HERC4: variants seen among roughly 807,000 people sequenced by gnomAD.
HERC4 encodes the protein probable E3 ubiquitin-protein ligase HERC4.
HERC4 carries 28 observed loss-of-function variants against 124.3 expected under a neutral mutation model. That is an observed-to-expected ratio of 0.23 (90% CI 0.17 to 0.31). The LOEUF (loss-of-function observed/expected upper bound fraction) is 0.31, where lower values mean the gene tolerates loss of function less well. Ranked by LOEUF, HERC4 falls within the 10% of genes least tolerant of loss-of-function variation. The pLI is 1.00. For synonymous variants in HERC4, 407 were observed against 421.5 expected (o/e 0.97, Z 0.42); for missense variants, 713 against 1,229.3 (o/e 0.58, Z 6.28).
chr10:67,934,705 A>C (rs1194713508), intron 22 of HERC4, among the ~76,000 whole-genome samples: 2 of 152,194 alleles, frequency 1.3e-5, no homozygotes, highest in African/African-American at 4.8e-5. Flanking sequence ...ATTTTCTCCC[A>C]AAATTTTGGT....
intron 9 of HERC4, among the ~76,000 whole-genome samples, chr10:68,012,433 C>T (rs2038015193): frequency 6.6e-6 from 1 of 152,136 alleles, no homozygotes; most frequent in South Asian, 2.1e-4. Context: ...CACTTATGTA[C>T]TTAGAGGCCA....
intron 8 of HERC4, among the ~76,000 whole-genome samples, chr10:68,024,177 C>A (rs1290354040): frequency 6.6e-6 from 1 of 152,014 alleles, no homozygotes; most frequent in African/African-American, 2.4e-5. Flanking sequence ...GGCCAATAAA[C>A]ATATGAAAAG....
intron 3 of HERC4, among the ~76,000 whole-genome samples, chr10:68,050,450 T>C (rs879551023): frequency 7.2e-5 from 11 of 152,228 alleles, no homozygotes; most frequent in Non-Finnish European, 1.6e-4. Context: ...TTAAAACTAA[T>C]CTGAGCTCTT....
chr10:68,049,590 C>CA (rs766514516), intron 3 of HERC4, among the ~76,000 whole-genome samples: 593 of 42,560 alleles, frequency 0.014, 45 homozygotes, highest in East Asian at 0.023. Context: ...GACACTGCCA[C>CA]AAAAAAAAAA....
chr10:67,947,483 G>A (rs1160048158), intron 19 of HERC4, among the ~76,000 whole-genome samples: 3 of 151,970 alleles, frequency 2.0e-5, no homozygotes, highest in Admixed American at 2.0e-4. Context: ...ATCAAAGCGA[G>A]GTATAGACAG....
intron 19 of HERC4, among the ~76,000 whole-genome samples, chr10:67,950,916 C>T (rs1488430033): frequency 6.6e-6 from 1 of 152,116 alleles, no homozygotes. Context: ...AAAGAAGACA[C>T]GGCTCTTAAG....
chr10:68,044,139 T>C (rs16925049), intron 4 of HERC4, among the ~76,000 whole-genome samples: 3 of 152,110 alleles, frequency 2.0e-5, no homozygotes, highest in Non-Finnish European at 2.9e-5. Context: ...CTAAAAAAAT[T>C]TGTAATGAAG....
chr10:67,997,850 T>C (rs890635116), intron 9 of HERC4, among the ~76,000 whole-genome samples: 4 of 152,182 alleles, frequency 2.6e-5, no homozygotes, highest in South Asian at 2.1e-4. Context: ...TCTGTATCCA[T>C]AGGTTCCATA....
intron 9 of HERC4, among the ~76,000 whole-genome samples, chr10:68,005,684 T>TA (rs1399816941): frequency 6.6e-6 from 1 of 151,838 alleles, no homozygotes; most frequent in Admixed American, 6.6e-5. Flanking sequence ...TTTTTTTTTT[T>TA]AATTTTCTGT....
rs947762095 is a variant in HERC4 at position 68,040,349 on chromosome 10, A to G, written c.387-2180T>C. ...AAACTATCCCCTTTCATCTTCATATAAATGTATTAATACCCTAAAGAATGG... is the reference window on the plus strand; with the variant it reads ...AAACTATCCCCTTTCATCTTCATATGAATGTATTAATACCCTAAAGAATGG... On this transcript the variant is annotated intron_variant, in intron 4 of 24. Transcript: ENST00000373700. 4.3e-5 allele frequency: 41 copies of G among 948,758 alleles called. No individual in the cohort carries two copies. The African/African-American group carries it at 6.7e-4, about 16-fold the overall frequency. The allele number at this position is 948,758 out of a possible 1,614,324, so 58.8% of individuals were successfully genotyped here.
chr10:67,963,697 T>C (rs2034671658), intron 16 of HERC4, among the ~76,000 whole-genome samples: 2 of 152,170 alleles, frequency 1.3e-5, no homozygotes, highest in Non-Finnish European at 2.9e-5. Context: ...CTGAATCCTT[T>C]CAAAAACACT....
intron 15 of HERC4, among the ~76,000 whole-genome samples, chr10:67,979,329 T>G (rs1288809914): frequency 6.6e-6 from 1 of 152,018 alleles, no homozygotes; most frequent in East Asian, 1.9e-4. Flanking sequence ...TGAAAAAATG[T>G]AATTGACATA....
intron 3 of HERC4, among the ~76,000 whole-genome samples, chr10:68,051,137 C>T (rs1404759745): frequency 3.5e-5 from 5 of 144,864 alleles, no homozygotes; most frequent in African/African-American, 1.3e-4. Context: ...ACTTGCCACA[C>T]AAGTCCATTA....
intron 24 of HERC4, 117 bp downstream of exon 24, chr10:67,924,967 GA>G (rs2030719851): frequency 1.7e-6 from 1 of 577,072 alleles, no homozygotes; most frequent in South Asian, 2.6e-5. Context: ...TACATGTACT[GA>G]AGAGTGCAGA....
chr10:67,966,428 G>GT (rs1022116733), intron 16 of HERC4: 85 of 317,636 alleles, frequency 2.7e-4, no homozygotes, highest in South Asian at 3.9e-4. Flanking sequence ...ACACTTGTAG[G>GT]TTTTTTTTGT....
At chr10:67,994,032 CCATA>C (rs1420276197) in intron 9 of HERC4, 1 of 152,116 alleles carries the variant, frequency 6.6e-6, no homozygotes, top group Non-Finnish European at 1.5e-5. Flanking sequence ...AAATACCTGT[CCATA>C]CAAATATGCA....
At chr10:68,022,879 A>T (rs951601189) in intron 8 of HERC4, among the ~76,000 whole-genome samples, 4 of 152,122 alleles carry the variant, frequency 2.6e-5, no homozygotes, top group African/African-American at 9.7e-5. Context: ...ACTTTAATTG[A>T]CATTTCTCCT....
chr10:67,927,428 ATAT>A (rs1367764642), intron 23 of HERC4, among the ~76,000 whole-genome samples: 1 of 25,620 alleles, frequency 3.9e-5, no homozygotes, highest in African/African-American at 6.6e-5. Flanking sequence ...ATATATATAT[ATAT>A]TTTTTTTTTT....
At chr10:67,980,141 C>T (rs899976139) in intron 15 of HERC4, among the ~76,000 whole-genome samples, 1 of 151,978 alleles carries the variant, frequency 6.6e-6, no homozygotes, top group Non-Finnish European at 1.5e-5. Flanking sequence ...GATAGAGTTT[C>T]GCTCTTGTTG....
Sources: gnomAD v4.1 joint callset for allele counts (sites outside exome capture counted in the v4.1 genomes callset) on GRCh38, gnomAD v4.1.1 for gene constraint, MANE v1.5 for transcripts, NCBI Gene and HGNC (gene_info 2026-07-23, HGNC 2026-07-21) for gene names.